The following DCDC2C variants were observed in gnomAD, a reference collection of about 807,000 sequenced individuals.
The protein encoded by DCDC2C is doublecortin domain containing 2C.
A neutral mutation model predicts 45.0 loss-of-function variants in DCDC2C; 44 were observed. The observed-to-expected ratio is 0.98, with a 90% confidence interval of 0.77 to 1.26. DCDC2C has a LOEUF of 1.26. Ranked by LOEUF, DCDC2C falls within the 50% of genes most tolerant of loss-of-function variation. The probability of loss-of-function intolerance (pLI) is 0.00; values close to 1 mark genes in which losing one functional copy is unlikely to be tolerated. For synonymous variants in DCDC2C, 187 were observed against 178.8 expected (o/e 1.05, Z -0.37); for missense variants, 447 against 468.9 (o/e 0.95, Z 0.43).
In DCDC2C at chr2:3,741,964, T is replaced by C; in HGVS notation, c.461T>C (p.Ile154Thr). 1 of 1,549,216 alleles carries C rather than the reference T, an allele frequency of 6.5e-7. No individual in the cohort carries two copies. The highest frequency in any genetic ancestry group is 1.2e-5 in the South Asian group (1 of 83,500). The change falls in exon 4 of 11, where the codon ATT becomes ACT. Residue 154 changes from isoleucine (I) to threonine (T), a missense_variant. Coordinates refer to ENST00000399143, the MANE Select transcript of DCDC2C (RefSeq NM_001287444.2). The stretch of plus-strand genomic sequence containing the variant: ...TTATTTATTCCACCTGCAAAAATCA[T>C]TATACCCAAATTTAGTCTGTCCGAT... ...GRLFIPPAKI[I>T]IPKFSLSDWD...
chr2:3,749,328 G>T lies in DCDC2C; in HGVS notation c.546-3435G>T, dbSNP rs116242793. Among the ~76,000 whole-genome samples, 847 of 152,300 alleles carry T rather than the reference G, an allele frequency of 5.6e-3. 7 individuals carry two copies. Among genetic ancestry groups the T allele is most frequent in the African/African-American group, 0.02 (816 of 41,556 alleles). The stretch of plus-strand genomic sequence containing the variant: ...TATGATGCAAAGCACTTTGATTTAT[G>T]TGCATGATCTCATTTGATATCCATA... On this transcript the variant is annotated intron_variant, in intron 4 of 10. Coordinates refer to ENST00000399143, the MANE Select transcript of DCDC2C (RefSeq NM_001287444.2).
At chr2:3,817,935 G>C (rs1391431896) in intron 10 of DCDC2C, among the ~76,000 whole-genome samples, 1 of 152,172 alleles carries the variant, frequency 6.6e-6, no homozygotes, top group Non-Finnish European at 1.5e-5. Flanking sequence ...AGAAAGGAAA[G>C]GAGTTGCTGT....
rs138072881 is a variant in DCDC2C at position 3,762,245 on chromosome 2, T to C, written c.727-5509T>C. ...ACCTGGAGTGCCATGCACTTTGTCCTGCTCCTGTCCTTGGAAACTTGCAGG... is the reference window on the plus strand; with the variant it reads ...ACCTGGAGTGCCATGCACTTTGTCCCGCTCCTGTCCTTGGAAACTTGCAGG... On this transcript the variant is annotated intron_variant, in intron 6 of 10. Transcript: ENST00000399143. Among the ~76,000 whole-genome samples the C allele has an allele frequency of 6.4e-4, 96 of 150,562 alleles. 3 individuals are homozygous for C. In the East Asian group the frequency reaches 0.018, roughly 28 times the overall value.
chr2:3,718,529 G>C (rs1197805870), intron 2 of DCDC2C, among the ~76,000 whole-genome samples: 1 of 152,208 alleles, frequency 6.6e-6, no homozygotes, highest in Admixed American at 6.5e-5. Context: ...GTCCCAAGGA[G>C]TGAACCTCAC....
chr2:3,714,502 A>G (rs1013042538), intron 2 of DCDC2C, among the ~76,000 whole-genome samples: 2 of 152,186 alleles, frequency 1.3e-5, no homozygotes, highest in East Asian at 1.9e-4. Context: ...TTTTCCCCCC[A>G]TGAAGGATCT....
intron 10 of DCDC2C, among the ~76,000 whole-genome samples, chr2:3,813,039 G>GTGTATA: frequency 1.1e-5 from 1 of 87,442 alleles, no homozygotes. Flanking sequence ...TGAGAAGAAC[G>GTGTATA]TATATATATA....
At chr2:3,827,117 C>T (rs1234922469) in intron 10 of DCDC2C, among the ~76,000 whole-genome samples, 2 of 152,194 alleles carry the variant, frequency 1.3e-5, no homozygotes, top group African/African-American at 2.4e-5. Flanking sequence ...ACACCCCAGC[C>T]CATCACCCAT....
intron 10 of DCDC2C, among the ~76,000 whole-genome samples, chr2:3,836,852 A>T (rs1312728251): frequency 2.0e-5 from 2 of 99,516 alleles, no homozygotes; most frequent in Non-Finnish European, 4.1e-5. Context: ...ACAGAGCGAG[A>T]CTCCGTCTCA....
At chr2:3,708,682 A>G in intron 2 of DCDC2C, 82 bp downstream of exon 2, 1 of 1,112,254 alleles carries the variant, frequency 9.0e-7, no homozygotes, top group Admixed American at 2.2e-5. Context: ...GGAATAATTG[A>G]AGTTTCACAG....
intron 9 of DCDC2C, among the ~76,000 whole-genome samples, chr2:3,784,777 A>G (rs960937940): frequency 2.0e-5 from 3 of 152,220 alleles, no homozygotes; most frequent in Non-Finnish European, 4.4e-5. Context: ...GTAACAGAGA[A>G]TACAGGTATG....
intron 7 of DCDC2C, among the ~76,000 whole-genome samples, chr2:3,768,233 G>A (rs141692393): frequency 1.3e-5 from 2 of 152,068 alleles, no homozygotes; most frequent in African/African-American, 4.8e-5. Flanking sequence ...AAAAGCCACC[G>A]AGATTGTTTA....
At chr2:3,841,227 A>G (rs1326773249) in intron 10 of DCDC2C, among the ~76,000 whole-genome samples, 1 of 152,152 alleles carries the variant, frequency 6.6e-6, no homozygotes, top group Non-Finnish European at 1.5e-5. Flanking sequence ...ATTTTCAGCC[A>G]CACTCAGGTG....
intron 10 of DCDC2C, among the ~76,000 whole-genome samples, chr2:3,792,984 C>T (rs558157953): frequency 5.3e-4 from 80 of 152,272 alleles, no homozygotes; most frequent in Non-Finnish European, 7.6e-4. Context: ...AACTGAGATT[C>T]GCCGTTCAGA....
At chr2:3,713,943 C>T (rs1441965150) in intron 2 of DCDC2C, among the ~76,000 whole-genome samples, 1 of 152,160 alleles carries the variant, frequency 6.6e-6, no homozygotes, top group Non-Finnish European at 1.5e-5. Context: ...ATTTGAATAC[C>T]AGTGTAAACT....
chr2:3,753,649 T>C (rs1572587604), intron 5 of DCDC2C, among the ~76,000 whole-genome samples: 1 of 152,218 alleles, frequency 6.6e-6, no homozygotes. Context: ...TTGAACACCA[T>C]GCAGGTGGCC....
intron 10 of DCDC2C, among the ~76,000 whole-genome samples, chr2:3,798,197 G>A (rs1409981066): frequency 1.3e-5 from 2 of 151,960 alleles, no homozygotes; most frequent in African/African-American, 2.4e-5. Flanking sequence ...TGCAACCCCT[G>A]CCTTTTTTCG....
rs139996211 is a variant in DCDC2C at position 3,779,668 on chromosome 2, G to A, written c.1023+784G>A. Among the ~76,000 whole-genome samples the A allele has an allele frequency of 1.3e-4, 20 of 152,298 alleles. No homozygotes were observed. The East Asian group carries it at 3.7e-3, about 28-fold the overall frequency. ...GCTGTGTAAATTGATCATCGCACAG[G>A]AGGCTGTGTAATGAGCTCCCGGATT... On this transcript the variant is annotated intron_variant, in intron 9 of 10. Coordinates refer to ENST00000399143, the MANE Select transcript of DCDC2C (RefSeq NM_001287444.2).
Position 3,761,568 on chromosome 2 carries a change from C to T in DCDC2C, c.727-6186C>T, listed in dbSNP as rs1669883457. Among the ~76,000 whole-genome samples, 1 of 152,212 alleles carries T rather than the reference C, an allele frequency of 6.6e-6. No homozygotes were observed. The highest frequency in any genetic ancestry group is 1.5e-5 in the Non-Finnish European group (1 of 68,028). On this transcript the variant is annotated intron_variant, in intron 6 of 10. Coordinates refer to ENST00000399143, the MANE Select transcript of DCDC2C (RefSeq NM_001287444.2). The surrounding 1 kb of genome is among the most constrained non-coding windows in gnomAD (Gnocchi z 4.3). ...TCACAACAATCAAGGCTGCAATTGT[C>T]ATCTTTTAGCAGCCTGAGGATGCAA...
At chr2:3,800,101 G>A (rs111961616) in intron 10 of DCDC2C, among the ~76,000 whole-genome samples, 37,054 of 152,040 alleles carry the variant, frequency 0.24, 5,070 homozygotes, top group African/African-American at 0.38. Context: ...TTGGAAAAGC[G>A]CAGTATTCGG....
Sources: gnomAD v4.1 joint callset for allele counts (sites outside exome capture counted in the v4.1 genomes callset) on GRCh38, gnomAD v4.1.1 for gene constraint, Gnocchi (gnomAD v3.1) non-coding constraint, MANE v1.5 for transcripts, NCBI Gene and HGNC (gene_info 2026-07-23, HGNC 2026-07-21) for gene names.